Variants in PMM2 observed in about 807,000 individuals in gnomAD.
PMM2 encodes the protein phosphomannomutase 2, also known as mannose-6-phosphate isomerase.
Under a neutral mutation model 33.2 loss-of-function variants are expected in PMM2, and 35 were observed. The observed-to-expected ratio is 1.06, with a 90% CI of 0.81 to 1.40. The LOEUF (loss-of-function observed/expected upper bound fraction) is 1.40, where lower values mean the gene tolerates loss of function less well. Ranked by LOEUF, PMM2 falls within the 40% of genes most tolerant of loss-of-function variation. The pLI, the probability that PMM2 is intolerant of heterozygous loss-of-function variation, is 0.00. For missense variants in PMM2, 386 were observed against 306.0 expected (o/e 1.26, Z -1.95); for synonymous variants, 153 against 114.7 (o/e 1.33, Z -2.13).
In PMM2 at chr16:8,811,712, A is replaced by G. The variant is rs770792153; in HGVS notation, c.522A>G (p.Ile174Met). 57 of 1,603,074 alleles carry G rather than the reference A, an allele frequency of 3.6e-5. No homozygotes were observed. The highest frequency in any genetic ancestry group is 4.8e-5 in the Non-Finnish European group (56 of 1,170,054). The stretch of plus-strand genomic sequence containing the variant: ...CTGGAAAAGGCCTCACGTTTTCCAT[A>G]GGTATTGTATATATTGCCTGTGTTC... ...EFAGKGLTFSIGGQISFDVFP... is the reference protein window; with the variant it reads ...EFAGKGLTFSMGGQISFDVFP... Residue 174 changes from isoleucine to methionine, a missense_variant and splice_region_variant, in exon 6 of 8, where the codon ATA becomes ATG. Transcript: ENST00000268261.
At chr16:8,842,390 G>A (rs899876828) in intron 7 of PMM2, 1 of 152,222 alleles carries the variant, frequency 6.6e-6, no homozygotes, top group Non-Finnish European at 1.5e-5. Flanking sequence ...GTGAGAAGCG[G>A]AGGGGTGGAA....
At chr16:8,844,106 A>G (rs1046021589) in intron 7 of PMM2, among the ~76,000 whole-genome samples, 1 of 152,202 alleles carries the variant, frequency 6.6e-6, no homozygotes, top group African/African-American at 2.4e-5. Flanking sequence ...GGAAAAATTG[A>G]AAGTGCCGTT....
At chr16:8,812,908 A>C in intron 6 of PMM2, 83 bp from the exon 7 acceptor site, 1 of 839,120 alleles carries the variant, frequency 1.2e-6, no homozygotes. Context: ...TAACTGACAA[A>C]AGAGTAAATT....
chr16:8,842,718 T>C (rs963297042), intron 7 of PMM2, among the ~76,000 whole-genome samples: 1 of 152,220 alleles, frequency 6.6e-6, no homozygotes, highest in Admixed American at 6.5e-5. Context: ...TTGTCCGGTT[T>C]CTGGACAGGT....
Position 8,801,820 on chromosome 16 carries a change from G to T in PMM2, c.88G>T (p.Asp30Tyr). ...TTAGAAAATTACCAAAGAAATGGATGACTTCCTACAAAAATTGAGGCAGAA... is the reference window on the plus strand; with the variant it reads ...TTAGAAAATTACCAAAGAAATGGATTACTTCCTACAAAAATTGAGGCAGAA... ...PRQKITKEMD[D>Y]FLQKLRQKIK... The change falls in exon 2 of 8, where the codon GAC (aspartate) becomes TAC (tyrosine). Residue 30 changes from aspartate (D) to tyrosine (Y), a missense_variant. Physicochemically the swap from Asp to Tyr is radical, Grantham distance 160. Coordinates refer to ENST00000268261, the MANE Select transcript of PMM2 (RefSeq NM_000303.3). 3 of 1,609,688 alleles carry T rather than the reference G, an allele frequency of 1.9e-6. No individual in the cohort carries two copies. The South Asian group carries it at 3.3e-5, about 18-fold the overall frequency.
At chr16:8,802,457 A>C (rs1596484508) in intron 2 of PMM2, 2 of 357,514 alleles carry the variant, frequency 5.6e-6, no homozygotes, top group Middle Eastern at 7.7e-4. Context: ...ATTGTAAACT[A>C]TCCGATTATA....
At chr16:8,798,648 T>C (rs1235412391) in intron 1 of PMM2, among the ~76,000 whole-genome samples, 1 of 152,190 alleles carries the variant, frequency 6.6e-6, no homozygotes, top group Admixed American at 6.5e-5. Context: ...GAGAGCCTCT[T>C]TGGGCCCTTG....
intron 7 of PMM2, among the ~76,000 whole-genome samples, chr16:8,822,168 C>T (rs150918229): frequency 4.5e-4 from 69 of 152,100 alleles, no homozygotes; most frequent in African/African-American, 1.6e-3. Flanking sequence ...GCTGATTGGT[C>T]GGCTTGGAGA....
intron 7 of PMM2, among the ~76,000 whole-genome samples, chr16:8,843,583 C>T (rs2172164): frequency 0.47 from 71,998 of 151,770 alleles, 17,534 homozygotes; most frequent in African/African-American, 0.57. Context: ...AACGCCTGGC[C>T]GCTGCGGTTC....
chr16:8,800,385 A>G (rs959932901), intron 1 of PMM2, among the ~76,000 whole-genome samples: 2 of 151,222 alleles, frequency 1.3e-5, no homozygotes, highest in African/African-American at 4.8e-5. Flanking sequence ...AAAGACATTC[A>G]GTGTAAATGT....
chr16:8,802,406 G>A, intron 2 of PMM2: 1 of 409,136 alleles, frequency 2.4e-6, no homozygotes, highest in South Asian at 1.8e-5. Context: ...ACCTCTGAGA[G>A]ATTCTAGTGT....
intron 2 of PMM2, among the ~76,000 whole-genome samples, chr16:8,802,779 G>A (rs527321923): frequency 6.7e-6 from 1 of 150,178 alleles, no homozygotes; most frequent in African/African-American, 2.5e-5. Flanking sequence ...GCAATGAGCC[G>A]AGATCACACC....
intron 7 of PMM2, among the ~76,000 whole-genome samples, chr16:8,840,219 G>C (rs1255848221): frequency 6.6e-6 from 1 of 151,812 alleles, no homozygotes; most frequent in Non-Finnish European, 1.5e-5. Context: ...CATAAGAATG[G>C]GAATGAGAAT....
At chr16:8,815,192 T>C (rs982240079) in intron 7 of PMM2, among the ~76,000 whole-genome samples, 1 of 151,884 alleles carries the variant, frequency 6.6e-6, no homozygotes, top group Non-Finnish European at 1.5e-5. Context: ...TAATGTTTCA[T>C]GGTATGAATA....
At chr16:8,799,798 G>A (rs889452156) in intron 1 of PMM2, among the ~76,000 whole-genome samples, 5 of 151,788 alleles carry the variant, frequency 3.3e-5, no homozygotes, top group South Asian at 2.1e-4. Flanking sequence ...CACCCGCCTC[G>A]GCCTCCCAAA....
In PMM2 at chr16:8,835,447, A is replaced by T. The variant is rs1387140496; in HGVS notation, c.640-12277A>T. ...GCTGAGCCTGATGGGTGTCAGGGTC[A>T]TCTAACTGAAAGCAAAGAGACGCTG... is the stretch of plus-strand genomic sequence containing the variant. On this transcript the variant is annotated intron_variant, in intron 7 of 7. Transcript: ENST00000268261. 3.9e-5 allele frequency among the ~76,000 whole-genome samples: 6 copies of T among 152,030 alleles called. No homozygotes were observed. The South Asian group carries it at 8.3e-4, about 21-fold the overall frequency.
chr16:8,847,901 C>G lies in PMM2; in HGVS notation c.*76C>G, dbSNP rs755477705. On this transcript the variant is annotated 3_prime_UTR_variant, in exon 8 of 8. Transcript: ENST00000268261. ...TCGGTGGCCAGAGCCGAGGGTCCTCCCACACGTGCTCACCCACCCGCAGCC... is the reference window on the plus strand; with the variant it reads ...TCGGTGGCCAGAGCCGAGGGTCCTCGCACACGTGCTCACCCACCCGCAGCC... The G allele has an allele frequency of 8.8e-7, 1 of 1,131,300 alleles. No individual in the cohort carries two copies. The highest frequency in any genetic ancestry group is 1.3e-6 in the Non-Finnish European group (1 of 757,672). 70.1% of individuals were successfully genotyped at this position (1,131,300 alleles called of 1,614,324 possible).
chr16:8,806,184 G>A (rs1041886368), intron 3 of PMM2, 132 bp from the exon 4 acceptor site: 9 of 715,850 alleles, frequency 1.3e-5, no homozygotes, highest in Non-Finnish European at 2.3e-5. Flanking sequence ...CAGACAGTGG[G>A]GCATGTCACC....
At chr16:8,845,723 C>G (rs1025833366) in intron 7 of PMM2, among the ~76,000 whole-genome samples, 6 of 152,024 alleles carry the variant, frequency 3.9e-5, no homozygotes, top group Non-Finnish European at 8.8e-5. Flanking sequence ...TGCGCACCAC[C>G]ACACCCAGCT....
Sources: gnomAD v4.1 joint callset for allele counts (sites outside exome capture counted in the v4.1 genomes callset) on GRCh38, gnomAD v4.1.1 for gene constraint, MANE v1.5 for transcripts, NCBI Gene and HGNC (gene_info 2026-07-23, HGNC 2026-07-21) for gene names.